The following GRM3 variants were observed in gnomAD, a reference collection of about 807,000 sequenced individuals.
GRM3 encodes glutamate metabotropic receptor 3.
GRM3 carries 26 observed loss-of-function variants against 70.5 expected under a neutral mutation model. The ratio of observed to expected loss-of-function variants is 0.37; its 90% CI spans 0.27 to 0.51. GRM3 has a LOEUF of 0.51. Among genes scored for constraint, GRM3 ranks in the 20% least tolerant of loss-of-function variants. The probability of loss-of-function intolerance (pLI) is 0.93; values close to 1 mark genes in which losing one functional copy is unlikely to be tolerated. For missense variants in GRM3, 859 were observed against 1,123.8 expected (o/e 0.76, Z 3.37); for synonymous variants, 443 against 434.9 (o/e 1.02, Z -0.23).
intron 1 of GRM3, among the ~76,000 whole-genome samples, chr7:86,731,480 C>T (rs1304764017): frequency 6.6e-6 from 1 of 152,134 alleles, no homozygotes; most frequent in Admixed American, 6.5e-5. Flanking sequence ...CAATATTCAA[C>T]CAGTTTTGAT....
chr7:86,738,876 A>G (rs1490020899), intron 1 of GRM3, among the ~76,000 whole-genome samples: 1 of 152,214 alleles, frequency 6.6e-6, no homozygotes, highest in Admixed American at 6.5e-5. Context: ...TACCTTATAT[A>G]CCTGGTTTTT....
At chr7:86,741,297 G>A (rs1244575057) in intron 1 of GRM3, among the ~76,000 whole-genome samples, 1 of 152,106 alleles carries the variant, frequency 6.6e-6, no homozygotes, top group Non-Finnish European at 1.5e-5. Context: ...GGCCGGACAG[G>A]AAAACCACAA....
At chr7:86,715,651 T>G (rs1051879024) in intron 1 of GRM3, among the ~76,000 whole-genome samples, 1 of 152,002 alleles carries the variant, frequency 6.6e-6, no homozygotes, top group African/African-American at 2.4e-5. Context: ...GAATTATTTG[T>G]GCTCTAGATA....
At chr7:86,858,676 G>T (rs1032903191) in intron 5 of GRM3, among the ~76,000 whole-genome samples, 20 of 152,282 alleles carry the variant, frequency 1.3e-4, no homozygotes, top group Admixed American at 1.2e-3. Context: ...AACAGAAAAT[G>T]GACTGAGACC....
intron 1 of GRM3, among the ~76,000 whole-genome samples, chr7:86,671,221 C>T (rs1194760789): frequency 2.6e-5 from 4 of 152,100 alleles, no homozygotes; most frequent in African/African-American, 4.8e-5. Context: ...TTTTGTTTTC[C>T]CCAGTTTCAT....
intron 1 of GRM3, among the ~76,000 whole-genome samples, chr7:86,668,727 G>T (rs1323079135): frequency 6.6e-6 from 1 of 152,098 alleles, no homozygotes; most frequent in Non-Finnish European, 1.5e-5. Context: ...AACTGTCATT[G>T]AGGAAGAGGC....
At chr7:86,750,731 G>C (rs1012782789) in intron 1 of GRM3, among the ~76,000 whole-genome samples, 3 of 151,836 alleles carry the variant, frequency 2.0e-5, no homozygotes, top group Admixed American at 1.3e-4. Context: ...ATGGAAGAAG[G>C]TTGCAACAAT....
intron 1 of GRM3, among the ~76,000 whole-genome samples, chr7:86,676,588 A>G (rs1409136764): frequency 6.6e-6 from 1 of 152,016 alleles, no homozygotes; most frequent in Non-Finnish European, 1.5e-5. Flanking sequence ...TGTAAAAGTT[A>G]TCTATGTTCA....
At chr7:86,775,776 C>G (rs1796870280) in intron 2 of GRM3, among the ~76,000 whole-genome samples, 1 of 152,000 alleles carries the variant, frequency 6.6e-6, no homozygotes, top group South Asian at 2.1e-4. Context: ...TTTGTGTTCT[C>G]TCTTCTATGT....
At chr7:86,757,022 T>C (rs1050920339) in intron 1 of GRM3, among the ~76,000 whole-genome samples, 8 of 152,164 alleles carry the variant, frequency 5.3e-5, no homozygotes, top group African/African-American at 1.9e-4. Flanking sequence ...TTCTAGAATC[T>C]CCATATAGTA....
chr7:86,705,566 A>T (rs1004480171), intron 1 of GRM3, among the ~76,000 whole-genome samples: 5 of 152,032 alleles, frequency 3.3e-5, no homozygotes, highest in Admixed American at 6.6e-5. Flanking sequence ...AGCCTTTTAA[A>T]TTTTTTTGTA....
At chr7:86,676,555 T>C (rs1341240161) in intron 1 of GRM3, among the ~76,000 whole-genome samples, 1 of 152,064 alleles carries the variant, frequency 6.6e-6, no homozygotes, top group Non-Finnish European at 1.5e-5. Context: ...TCTAATTTAA[T>C]GGTATAATCA....
At chr7:86,738,909 T>C (rs983380033) in intron 1 of GRM3, among the ~76,000 whole-genome samples, 1 of 152,230 alleles carries the variant, frequency 6.6e-6, no homozygotes, top group Non-Finnish European at 1.5e-5. Context: ...ACTTAAAGTC[T>C]ACTTTGTTCG....
intron 3 of GRM3, among the ~76,000 whole-genome samples, chr7:86,824,857 A>T (rs551476322): frequency 2.6e-5 from 4 of 152,120 alleles, no homozygotes; most frequent in Non-Finnish European, 4.4e-5. Flanking sequence ...CCCATAAGGT[A>T]TTATGTTAGG....
At chr7:86,859,952 A>G (rs957520730) in intron 5 of GRM3, among the ~76,000 whole-genome samples, 2 of 152,188 alleles carry the variant, frequency 1.3e-5, no homozygotes, top group African/African-American at 2.4e-5. Flanking sequence ...ATGGCTGTGA[A>G]TTACCCTTTT....
intron 3 of GRM3, 59 bp from the exon 4 acceptor site, chr7:86,838,780 A>G: frequency 2.3e-6 from 2 of 881,402 alleles, no homozygotes; most frequent in Non-Finnish European, 3.5e-6. Context: ...TAATTGACTA[A>G]TCACACGTAA....
At chr7:86,805,616 A>G (rs528902075) in intron 3 of GRM3, among the ~76,000 whole-genome samples, 121 of 152,282 alleles carry the variant, frequency 7.9e-4, no homozygotes, top group African/African-American at 2.7e-3. Flanking sequence ...ACCCCTGGCA[A>G]CCACTCATCT....
intron 1 of GRM3, among the ~76,000 whole-genome samples, chr7:86,709,101 C>T (rs1272566602): frequency 1.3e-5 from 2 of 152,010 alleles, no homozygotes; most frequent in African/African-American, 4.8e-5. Context: ...TTTGATTTCC[C>T]TATGTGCCCT....
At chr7:86,834,470 T>G (rs1798415465) in intron 3 of GRM3, among the ~76,000 whole-genome samples, 1 of 152,170 alleles carries the variant, frequency 6.6e-6, no homozygotes, top group Non-Finnish European at 1.5e-5. Context: ...TCCCTGAATA[T>G]TCATTTTAAG....
Sources: allele counts gnomAD v4.1 joint callset (sites outside exome capture counted in the v4.1 genomes callset), GRCh38; gene constraint gnomAD v4.1.1; transcripts MANE v1.5; gene names NCBI Gene and HGNC (gene_info 2026-07-23, HGNC 2026-07-21).